PACSIN2: variants seen among roughly 807,000 people sequenced by gnomAD.
PACSIN2 encodes protein kinase C and casein kinase substrate in neurons protein 2.
PACSIN2 carries 25 observed loss-of-function variants against 63.8 expected under a neutral mutation model. The ratio of observed to expected loss-of-function variants is 0.39; its 90% confidence interval spans 0.29 to 0.55. The LOEUF (loss-of-function observed/expected upper bound fraction) is 0.55, where lower values mean the gene tolerates loss of function less well. PACSIN2 is among the 20% of genes least tolerant of loss of function. The pLI is 0.62. For synonymous variants in PACSIN2, 255 were observed against 256.2 expected, an observed-to-expected ratio of 1.00 and a Z score of 0.05; for missense variants, 518 against 646.9, an observed-to-expected ratio of 0.80 and a Z score of 2.16.
At chr22:42,981,790 C>T (rs1922168794) in intron 1 of PACSIN2, among the ~76,000 whole-genome samples, 1 of 127,042 alleles carries the variant, frequency 7.9e-6, no homozygotes, top group African/African-American at 3.1e-5. Context: ...GGTCAGCCCC[C>T]CGCCCGGCCA....
At chr22:42,930,061 A>G (rs1048589541) in intron 1 of PACSIN2, among the ~76,000 whole-genome samples, 3 of 152,190 alleles carry the variant, frequency 2.0e-5, no homozygotes, top group African/African-American at 7.2e-5. Flanking sequence ...ATCCTAGCAC[A>G]AAGTTCGCCG....
chr22:42,907,281 T>C (rs1601499106), intron 2 of PACSIN2, among the ~76,000 whole-genome samples: 1 of 152,330 alleles, frequency 6.6e-6, no homozygotes, highest in East Asian at 1.9e-4. Flanking sequence ...AAACTGAAGC[T>C]TCCCAGCAGG....
At position 42,970,358 on chromosome 22, in the gene PACSIN2, G is replaced by A. The variant is rs73176889; in HGVS notation, c.-78+44663C>T. 7.7e-3 allele frequency among the ~76,000 whole-genome samples: 1,169 copies of A among 152,302 alleles called. 10 individuals carry two copies. The highest frequency in any genetic ancestry group is 0.027 in the Middle Eastern group (8 of 294). ...TCTAATACTAGGAAAAATCATCAAG[G>A]ACCTGGATGGGATCCTAGAACTGCA... On this transcript the variant is annotated intron_variant, in intron 1 of 10. Transcript: ENST00000263246.
At chr22:42,880,983 C>T in intron 7 of PACSIN2, among the ~76,000 whole-genome samples, 1 of 152,236 alleles carries the variant, frequency 6.6e-6, no homozygotes, top group Non-Finnish European at 1.5e-5. Context: ...AGAGGCTGGG[C>T]TTTGTGCTGT....
intron 1 of PACSIN2, among the ~76,000 whole-genome samples, chr22:42,977,141 C>A (rs548332580): frequency 3.3e-5 from 5 of 151,878 alleles, no homozygotes. Flanking sequence ...TTCATTTAGA[C>A]CATGGATGGA....
At chr22:43,002,759 T>G (rs1178939569) in intron 1 of PACSIN2, among the ~76,000 whole-genome samples, 1 of 152,226 alleles carries the variant, frequency 6.6e-6, no homozygotes, top group Admixed American at 6.5e-5. Context: ...CAAATTCATC[T>G]ACATTAGCAA....
chr22:42,880,186 G>A (rs9607976), intron 7 of PACSIN2, among the ~76,000 whole-genome samples: 4,182 of 152,310 alleles, frequency 0.027, 67 homozygotes, highest in African/African-American at 0.036. Flanking sequence ...TGGGTTGGAA[G>A]CCAACTCAGA....
intron 1 of PACSIN2, among the ~76,000 whole-genome samples, chr22:42,931,528 G>C (rs1438806386): frequency 6.6e-6 from 1 of 152,190 alleles, no homozygotes; most frequent in Non-Finnish European, 1.5e-5. Context: ...CACAGTCAGC[G>C]TCAATGGAAC....
At chr22:42,913,394 G>C (rs1218877253) in intron 1 of PACSIN2, among the ~76,000 whole-genome samples, 1 of 150,290 alleles carries the variant, frequency 6.7e-6, no homozygotes, top group Non-Finnish European at 1.5e-5. Flanking sequence ...CAGGAGAATC[G>C]CTTGAACCTG....
chr22:42,911,405 G>GT (rs1288141860), intron 2 of PACSIN2, among the ~76,000 whole-genome samples: 2 of 124,430 alleles, frequency 1.6e-5, no homozygotes, highest in African/African-American at 6.3e-5. Context: ...GACCTCAACT[G>GT]TTAAAAAAAA....
chr22:42,983,570 A>G (rs1922398787), intron 1 of PACSIN2, among the ~76,000 whole-genome samples: 1 of 152,078 alleles, frequency 6.6e-6, no homozygotes, highest in African/African-American at 2.4e-5. Flanking sequence ...CAGCAGTTCT[A>G]ATTAGTAAAC....
At chr22:42,933,870 A>T (rs541802645) in intron 1 of PACSIN2, among the ~76,000 whole-genome samples, 75 of 152,370 alleles carry the variant, frequency 4.9e-4, no homozygotes, top group African/African-American at 1.8e-3. Context: ...GAAGTGTGTG[A>T]AAGTATGAAC....
chr22:42,922,040 T>G (rs1050333390), intron 1 of PACSIN2, among the ~76,000 whole-genome samples: 1 of 152,174 alleles, frequency 6.6e-6, no homozygotes, highest in African/African-American at 2.4e-5. Flanking sequence ...AACCCTTTTG[T>G]TCTAAGGGGC....
At chr22:42,936,130 G>A (rs1422227438) in intron 1 of PACSIN2, among the ~76,000 whole-genome samples, 2 of 151,862 alleles carry the variant, frequency 1.3e-5, no homozygotes, top group Non-Finnish European at 2.9e-5. Flanking sequence ...GCAGGAGAAT[G>A]GCGTGAACCC....
intron 1 of PACSIN2, among the ~76,000 whole-genome samples, chr22:43,000,832 T>C (rs750632783): frequency 2.0e-5 from 3 of 152,270 alleles, no homozygotes; most frequent in Non-Finnish European, 2.9e-5. Context: ...GGAGACATAC[T>C]GTGTGGCACT....
chr22:42,961,403 C>T (rs1453028278), intron 1 of PACSIN2, among the ~76,000 whole-genome samples: 2 of 149,474 alleles, frequency 1.3e-5, no homozygotes, highest in East Asian at 3.9e-4. Flanking sequence ...GTCCTATGAC[C>T]CTGCCAAATC....
chr22:42,964,016 T>A (rs1435689175), intron 1 of PACSIN2, among the ~76,000 whole-genome samples: 1 of 152,212 alleles, frequency 6.6e-6, no homozygotes, highest in African/African-American at 2.4e-5. Context: ...ATCACCACCG[T>A]CAAGGGTAGG....
chr22:42,942,888 T>G (rs1365850248), intron 1 of PACSIN2, among the ~76,000 whole-genome samples: 1 of 152,258 alleles, frequency 6.6e-6, no homozygotes, highest in African/African-American at 2.4e-5. Context: ...GTTCTGACTA[T>G]TCTTGGTCCC....
At chr22:43,010,552 T>C (rs1372939741) in intron 1 of PACSIN2, among the ~76,000 whole-genome samples, 1 of 151,846 alleles carries the variant, frequency 6.6e-6, no homozygotes, top group Non-Finnish European at 1.5e-5. Flanking sequence ...CTACTAAAAA[T>C]ACAAAACATT....
Sources: gnomAD v4.1 joint callset for allele counts (sites outside exome capture counted in the v4.1 genomes callset) on GRCh38, gnomAD v4.1.1 for gene constraint, MANE v1.5 for transcripts, NCBI Gene and HGNC (gene_info 2026-07-23, HGNC 2026-07-21) for gene names.